PPT1: variants seen among roughly 807,000 people sequenced by gnomAD.
The protein encoded by PPT1 is palmitoyl-protein thioesterase 1, also known as ceroid-palmitoyl-palmitoyl-protein thioesterase 1.
A neutral mutation model predicts 44.0 loss-of-function variants in PPT1; 24 were observed. That is an observed-to-expected ratio of 0.54 (90% CI 0.39 to 0.77). PPT1 has a LOEUF of 0.77. Ranked by LOEUF, PPT1 falls within the 30% of genes least tolerant of loss-of-function variation. The pLI is 0.00. For missense variants in PPT1, 341 were observed against 378.8 expected, an observed-to-expected ratio of 0.90 and a Z score of 0.83; for synonymous variants, 148 against 140.2, an observed-to-expected ratio of 1.06 and a Z score of -0.39.
intron 3 of PPT1, among the ~76,000 whole-genome samples, 196 bp from the exon 4 acceptor site, chr1:40,091,595 G>T (rs1306120209): frequency 2.6e-5 from 4 of 152,186 alleles, no homozygotes; most frequent in African/African-American, 9.7e-5. Context: ...CAGGCATGGT[G>T]GCTCACACCT....
At chr1:40,086,391 C>A (rs1446595099) in intron 5 of PPT1, among the ~76,000 whole-genome samples, 4 of 152,234 alleles carry the variant, frequency 2.6e-5, no homozygotes, top group Admixed American at 2.6e-4. Flanking sequence ...CCTCACCATG[C>A]CAAGCCGGGG....
chr1:40,077,265 T>G (rs190785938), intron 7 of PPT1, among the ~76,000 whole-genome samples: 1 of 152,208 alleles, frequency 6.6e-6, no homozygotes, highest in Non-Finnish European at 1.5e-5. Flanking sequence ...AACAATTCAC[T>G]GTTGAGTACA....
At position 40,091,466 on chromosome 1, in the gene PPT1, A is replaced by G. The variant is rs372619020; in HGVS notation, c.363-67T>C. The G allele has an allele frequency of 1.2e-5, 17 of 1,417,932 alleles. No homozygotes were observed. In the African/African-American group the frequency reaches 2.4e-4, roughly 20 times the overall value. 87.8% of individuals were successfully genotyped at this position (1,417,932 alleles called of 1,614,324 possible). ...AAATGTATCATCCACAATCAGCATCACAGATTAAGCTAGTCATCCTCTGTG... is the reference window on the plus strand; with the variant it reads ...AAATGTATCATCCACAATCAGCATCGCAGATTAAGCTAGTCATCCTCTGTG... On this transcript the variant is annotated intron_variant, in intron 3 of 8. Coordinates refer to ENST00000642050, the MANE Select transcript of PPT1 (RefSeq NM_000310.4).
intron 1 of PPT1, chr1:40,096,909 T>G: frequency 1.1e-6 from 1 of 882,264 alleles, no homozygotes; most frequent in Non-Finnish European, 1.8e-6. Context: ...GGCTCTCTCT[T>G]TCCTTCCCCT....
intron 4 of PPT1, among the ~76,000 whole-genome samples, chr1:40,090,234 C>T (rs1245944753): frequency 6.6e-6 from 1 of 152,160 alleles, no homozygotes; most frequent in Non-Finnish European, 1.5e-5. Context: ...ACCACAGTGT[C>T]TTGAACTCCT....
intron 1 of PPT1, among the ~76,000 whole-genome samples, chr1:40,093,781 G>T (rs1386747093): frequency 6.6e-6 from 1 of 151,590 alleles, no homozygotes; most frequent in Non-Finnish European, 1.5e-5. Context: ...CTACTTGGGG[G>T]GCTGAGGCAG....
At chr1:40,091,971 A>C in intron 3 of PPT1, 74 bp downstream of exon 3, 1 of 1,555,962 alleles carries the variant, frequency 6.4e-7, no homozygotes, top group Non-Finnish European at 8.8e-7. Context: ...GAATTGGAGG[A>C]GTGGATTTAT....
chr1:40,088,320 C>T (rs1464494063), intron 5 of PPT1, among the ~76,000 whole-genome samples: 3 of 152,046 alleles, frequency 2.0e-5, no homozygotes, highest in South Asian at 2.1e-4. Context: ...TTAATTTTTG[C>T]ATTTTTAATA....
chr1:40,090,343 T>C (rs1015911822), intron 4 of PPT1, among the ~76,000 whole-genome samples: 4 of 152,112 alleles, frequency 2.6e-5, no homozygotes, highest in African/African-American at 7.3e-5. Context: ...CGTGTATATA[T>C]ATATATGTGT....
chr1:40,071,751 A>T (rs554642288), downstream of PPT1: 2 of 558,226 alleles, frequency 3.6e-6, no homozygotes, highest in Non-Finnish European at 6.4e-6. Flanking sequence ...CAGCTTTTCC[A>T]TATCAGCTCA....
At position 40,078,607 on chromosome 1, in the gene PPT1, T is replaced by A. The variant is rs776618627; in HGVS notation, c.679A>T (p.Met227Leu). ...ATGGAATCATTGAGGAATTTCACCA[T>A]CACAAACTTCTTCAGGGCCATCAGG... The part of the protein sequence containing the change: ...KNLMALKKFV[M>L]VKFLNDSIVD... Residue 227 changes from methionine to leucine, a missense_variant, in exon 7 of 9, where the codon ATG becomes TTG. Met to Leu is a conservative substitution (Grantham distance 15, BLOSUM62 2). Transcript: ENST00000642050. The A allele has an allele frequency of 1.2e-6, 2 of 1,614,018 alleles. No individual in the cohort carries two copies. The highest frequency in any genetic ancestry group is 1.7e-6 in the Non-Finnish European group (2 of 1,179,924).
chr1:40,091,723 G>C (rs913680655), intron 3 of PPT1, among the ~76,000 whole-genome samples: 1 of 152,036 alleles, frequency 6.6e-6, no homozygotes, highest in African/African-American at 2.4e-5. Flanking sequence ...AAATTAGCTA[G>C]GTGTGGTGGT....
chr1:40,074,461 GTCTC>G (rs1206651432), intron 8 of PPT1, among the ~76,000 whole-genome samples: 1 of 113,136 alleles, frequency 8.8e-6, no homozygotes, highest in African/African-American at 3.8e-5. Context: ...CTCTCTCTCT[GTCTC>G]TCTTTCTCTT....
intron 7 of PPT1, among the ~76,000 whole-genome samples, chr1:40,078,140 A>G (rs1049835987): frequency 2.0e-5 from 3 of 152,216 alleles, no homozygotes; most frequent in East Asian, 3.9e-4. Flanking sequence ...AAGTTGGTGG[A>G]AGGGACTGAA....
rs971596297 is a variant in PPT1 at position 40,086,168 on chromosome 1, C to T, written c.536+3242G>A. ...TCCTCTGAGCTGGTACGGGGGAAGA[C>T]GGAGGCCAAGGCCAGGGCAACACTG... On this transcript the variant is annotated intron_variant, in intron 5 of 8. Transcript: ENST00000642050. Among the ~76,000 whole-genome samples, 7 of 152,110 alleles carry T rather than the reference C, an allele frequency of 4.6e-5. No individual in the cohort carries two copies. In the South Asian group the frequency reaches 6.2e-4, roughly 14 times the overall value.
intron 5 of PPT1, among the ~76,000 whole-genome samples, chr1:40,081,534 C>T (rs944097773): frequency 1.6e-5 from 2 of 124,416 alleles, no homozygotes; most frequent in African/African-American, 6.2e-5. Context: ...GAGAATCCAT[C>T]TCAAAAAATA....
intron 8 of PPT1, 121 bp from the exon 9 acceptor site, chr1:40,074,304 G>A (rs1648458108): frequency 2.3e-6 from 3 of 1,283,438 alleles, no homozygotes; most frequent in Non-Finnish European, 3.3e-6. Flanking sequence ...TAAAATTGAG[G>A]TGTATTTTCA....
intron 1 of PPT1, among the ~76,000 whole-genome samples, chr1:40,094,897 G>C (rs910831252): frequency 6.6e-6 from 1 of 152,124 alleles, no homozygotes; most frequent in African/African-American, 2.4e-5. Context: ...AAAACACAAA[G>C]CTCCTACCCT....
intron 6 of PPT1, 162 bp from the exon 7 acceptor site, chr1:40,078,820 C>CTTTTTTTT: frequency 3.2e-6 from 2 of 632,472 alleles, no homozygotes; most frequent in Admixed American, 2.3e-5. Flanking sequence ...ACCTGTACAG[C>CTTTTTTTT]TTTTTTTTTT....
Sources: gnomAD v4.1 joint callset for allele counts (sites outside exome capture counted in the v4.1 genomes callset) on GRCh38, gnomAD v4.1.1 for gene constraint, MANE v1.5 for transcripts, NCBI Gene and HGNC (gene_info 2026-07-23, HGNC 2026-07-21) for gene names.